The following HTR7 variants were observed in gnomAD, a reference collection of about 807,000 sequenced individuals.
HTR7 encodes the protein 5-hydroxytryptamine receptor 7, also known as 5-HT-7.
A neutral mutation model predicts 34.0 loss-of-function variants in HTR7; 16 were observed. That is an observed-to-expected ratio of 0.47 (90% CI 0.32 to 0.71). The LOEUF (loss-of-function observed/expected upper bound fraction) is 0.71, where lower values mean the gene tolerates loss of function less well. Ranked by LOEUF, HTR7 falls within the 30% of genes least tolerant of loss-of-function variation. The probability of loss-of-function intolerance (pLI) is 0.04; values close to 1 mark genes in which losing one functional copy is unlikely to be tolerated. For synonymous variants in HTR7, 265 were observed against 260.2 expected (o/e 1.02, Z -0.18); for missense variants, 504 against 625.5 (o/e 0.81, Z 2.07).
chr10:90,765,392 C>A (rs989760548), intron 1 of HTR7, among the ~76,000 whole-genome samples: 2 of 151,860 alleles, frequency 1.3e-5, no homozygotes, highest in African/African-American at 2.4e-5. Context: ...TTTAATGTAT[C>A]CTCTTTCATT....
At chr10:90,814,478 A>G (rs534173291) in intron 1 of HTR7, among the ~76,000 whole-genome samples, 1 of 152,348 alleles carries the variant, frequency 6.6e-6, no homozygotes, top group South Asian at 2.1e-4. Context: ...ACAGATGCTA[A>G]TAATACATTA....
At chr10:90,786,548 CAG>C (rs1248220258) in intron 1 of HTR7, among the ~76,000 whole-genome samples, 1 of 152,138 alleles carries the variant, frequency 6.6e-6, no homozygotes, top group African/African-American at 2.4e-5. Context: ...GAAAACCTGA[CAG>C]AGTTTAACTT....
At chr10:90,848,624 A>C (rs1846448820) in intron 1 of HTR7, among the ~76,000 whole-genome samples, 1 of 152,224 alleles carries the variant, frequency 6.6e-6, no homozygotes, top group Non-Finnish European at 1.5e-5. Context: ...TTTTGAATAA[A>C]TCGACCATAA....
chr10:90,798,197 C>T (rs2119909580), intron 1 of HTR7, among the ~76,000 whole-genome samples: 1 of 152,316 alleles, frequency 6.6e-6, no homozygotes, highest in African/African-American at 2.4e-5. Context: ...CACTTCTTCT[C>T]AAGCAGCAGA....
In HTR7 at chr10:90,773,817, G is replaced by A. The variant is rs111850187; in HGVS notation, c.540-24223C>T. Among the ~76,000 whole-genome samples the A allele has an allele frequency of 1.0e-3, 158 of 152,220 alleles. 1 individual carries two copies. Among genetic ancestry groups the A allele is most frequent in the African/African-American group, 3.4e-3 (143 of 41,540 alleles). On this transcript the variant is annotated intron_variant, in intron 1 of 3. Transcript: ENST00000336152. ...TTATGGTTGAATAGTACTGCATTGC[G>A]TATATGTACCACATTTCCTTTATCC...
chr10:90,790,263 G>A (rs1304493835), intron 1 of HTR7, among the ~76,000 whole-genome samples: 1 of 152,162 alleles, frequency 6.6e-6, no homozygotes, highest in Non-Finnish European at 1.5e-5. Context: ...ATACAAGGGA[G>A]ACCCCAAATG....
At chr10:90,805,339 A>G (rs1046532770) in intron 1 of HTR7, among the ~76,000 whole-genome samples, 1 of 152,240 alleles carries the variant, frequency 6.6e-6, no homozygotes, top group Non-Finnish European at 1.5e-5. Flanking sequence ...AGCTAAGTTG[A>G]AAAAGAACAC....
At position 90,749,599 on chromosome 10, in the gene HTR7, T is replaced by G; in HGVS notation, c.540-5A>C. ...GGCCTTGTGATCCCAAGGTACCTAG[T>G]GGAGAGATGGAAAGATAACAGATGA... On this transcript the variant is annotated splice_region_variant and splice_polypyrimidine_tract_variant and intron_variant, in intron 1 of 3. Transcript: ENST00000336152. The surrounding 1 kb of genome is among the most constrained non-coding windows in gnomAD (Gnocchi z 4.2). The G allele has an allele frequency of 6.3e-7, 1 of 1,599,340 alleles. No homozygotes were observed. Among genetic ancestry groups the G allele is most frequent in the South Asian group, 1.1e-5 (1 of 88,928 alleles).
chr10:90,840,332 G>A (rs1355776948), intron 1 of HTR7, among the ~76,000 whole-genome samples: 4 of 152,072 alleles, frequency 2.6e-5, no homozygotes, highest in African/African-American at 4.8e-5. Flanking sequence ...ACTGATGGCA[G>A]GGAGTGACAG....
At chr10:90,804,351 G>A (rs1291492886) in intron 1 of HTR7, among the ~76,000 whole-genome samples, 1 of 152,154 alleles carries the variant, frequency 6.6e-6, no homozygotes. Context: ...TCTCCCCACT[G>A]AGCTAGTTAA....
At chr10:90,779,783 A>G (rs567006872) in intron 1 of HTR7, among the ~76,000 whole-genome samples, 4 of 152,206 alleles carry the variant, frequency 2.6e-5, no homozygotes, top group Non-Finnish European at 5.9e-5. Context: ...GGGAAGTGCA[A>G]TTTGTCACGT....
chr10:90,834,224 C>T (rs149582828), intron 1 of HTR7, among the ~76,000 whole-genome samples: 1 of 152,176 alleles, frequency 6.6e-6, no homozygotes, highest in African/African-American at 2.4e-5. Context: ...CTGGGCTAGG[C>T]CTTAGGTGTG....
intron 1 of HTR7, among the ~76,000 whole-genome samples, chr10:90,812,796 T>A (rs1018042808): frequency 1.8e-4 from 28 of 152,264 alleles, no homozygotes; most frequent in African/African-American, 6.5e-4. Flanking sequence ...CTTATTAATA[T>A]AAGAAGGCAG....
At chr10:90,794,119 A>G (rs984533640) in intron 1 of HTR7, among the ~76,000 whole-genome samples, 5 of 152,212 alleles carry the variant, frequency 3.3e-5, no homozygotes, top group African/African-American at 9.7e-5. Flanking sequence ...TTGACACTCA[A>G]TATTAACCAT....
chr10:90,779,204 C>A (rs1845269041), intron 1 of HTR7, among the ~76,000 whole-genome samples: 1 of 152,172 alleles, frequency 6.6e-6, no homozygotes, highest in South Asian at 2.1e-4. Context: ...AAAGATTTTT[C>A]CAGTTTGTCC....
At chr10:90,843,584 G>C (rs1034651877) in intron 1 of HTR7, among the ~76,000 whole-genome samples, 10 of 152,182 alleles carry the variant, frequency 6.6e-5, no homozygotes, top group Non-Finnish European at 1.2e-4. Flanking sequence ...TCAAGGAACT[G>C]AAAGAAGACC....
intron 1 of HTR7, among the ~76,000 whole-genome samples, chr10:90,839,094 A>G (rs1846291662): frequency 6.6e-6 from 1 of 152,242 alleles, no homozygotes; most frequent in African/African-American, 2.4e-5. Context: ...AGAAAAGGCA[A>G]TTTTATTATG....
chr10:90,748,291 T>A (rs1443478788), intron 2 of HTR7, among the ~76,000 whole-genome samples: 1 of 152,134 alleles, frequency 6.6e-6, no homozygotes, highest in Non-Finnish European at 1.5e-5. Flanking sequence ...CGCTCCACCA[T>A]GTCCGGCTCT....
intron 1 of HTR7, among the ~76,000 whole-genome samples, chr10:90,789,355 G>A (rs181758698): frequency 2.1e-3 from 314 of 152,130 alleles, no homozygotes; most frequent in Non-Finnish European, 3.4e-3. Flanking sequence ...AACAATCATT[G>A]AAGTGTAAAG....
Sources: gnomAD v4.1 joint callset for allele counts (sites outside exome capture counted in the v4.1 genomes callset) on GRCh38, gnomAD v4.1.1 for gene constraint, Gnocchi (gnomAD v3.1) non-coding constraint, MANE v1.5 for transcripts, NCBI Gene and HGNC (gene_info 2026-07-23, HGNC 2026-07-21) for gene names.